The following ALK variants were observed in gnomAD, a reference collection of about 807,000 sequenced individuals.
The protein encoded by ALK is ALK receptor tyrosine kinase, also known as ALK tyrosine kinase receptor.
In ALK, 74 loss-of-function variants were observed where a neutral mutation model predicts 163.1. The observed-to-expected ratio is 0.45, with a 90% CI of 0.38 to 0.55. The LOEUF (loss-of-function observed/expected upper bound fraction) is 0.55. Ranked by LOEUF, ALK falls within the 20% of genes least tolerant of loss-of-function variation. The probability of loss-of-function intolerance (pLI) is 0.00; values close to 1 mark genes in which losing one functional copy is unlikely to be tolerated. For missense variants in ALK, 2,063 were observed against 2,105.3 expected, an observed-to-expected ratio of 0.98 and a Z score of 0.39; for synonymous variants, 960 against 843.2, an observed-to-expected ratio of 1.14 and a Z score of -2.40.
chr2:29,223,693 G>A (rs1663817543), intron 19 of ALK, 165 bp from the exon 20 acceptor site: 4 of 642,884 alleles, frequency 6.2e-6, no homozygotes, highest in South Asian at 3.8e-5. Context: ...AAGAAGGTGT[G>A]TCTTTAATTG....
chr2:29,564,196 G>A (rs1197678057), intron 3 of ALK, among the ~76,000 whole-genome samples: 1 of 151,306 alleles, frequency 6.6e-6, no homozygotes, highest in East Asian at 1.9e-4. Flanking sequence ...TACATGGGAA[G>A]CTACCTTCTC....
intron 1 of ALK, among the ~76,000 whole-genome samples, chr2:29,810,741 C>T (rs1664737612): frequency 6.6e-6 from 1 of 152,128 alleles, no homozygotes; most frequent in Non-Finnish European, 1.5e-5. Flanking sequence ...AGAATATATA[C>T]ATTATGGATT....
At chr2:29,667,548 C>T (rs778326154) in intron 3 of ALK, among the ~76,000 whole-genome samples, 4 of 151,618 alleles carry the variant, frequency 2.6e-5, no homozygotes, top group Non-Finnish European at 4.4e-5. Context: ...TTATCAAATG[C>T]TTTCTTGGTG....
At chr2:29,818,355 G>T (rs188346756) in intron 1 of ALK, among the ~76,000 whole-genome samples, 58 of 152,136 alleles carry the variant, frequency 3.8e-4, no homozygotes, top group African/African-American at 1.3e-3. Flanking sequence ...TTCATTTCCC[G>T]AGCTCTATTA....
chr2:29,201,356 C>T (rs991797489), intron 26 of ALK, among the ~76,000 whole-genome samples: 21 of 152,162 alleles, frequency 1.4e-4, no homozygotes, highest in Non-Finnish European at 2.6e-4. Context: ...TCTCCTCTTT[C>T]ATTCTTTCCC....
At position 29,207,225 on chromosome 2, in the gene ALK, C is replaced by T. The variant is rs1417330585; in HGVS notation, c.3884G>A (p.Trp1295Ter). 1.9e-6 allele frequency: 3 copies of T among 1,614,020 alleles called. No individual in the cohort carries two copies. The African/African-American group carries it at 4.0e-5, about 22-fold the overall frequency. Reference sequence around the variant, plus strand: ...TTCCATGAAGGCCTCTGGGGGCATCCACTTAACTGGCAGCATGGCACAGCC... The same window carrying T: ...TTCCATGAAGGCCTCTGGGGGCATCTACTTAACTGGCAGCATGGCACAGCC... The part of the protein sequence containing the change: ...KGGCAMLPVK[W>*]MPPEAFMEGI... The change falls in exon 26 of 29, where the codon TGG becomes TAG. Residue 1295 changes from tryptophan to a stop codon, truncating the protein, a stop_gained. Coordinates refer to ENST00000389048, the MANE Select transcript of ALK (RefSeq NM_004304.5). LOFTEE classifies it high-confidence loss of function.
rs201796865 is a variant in ALK, at chr2:29,665,585, C to T, written c.952+29265G>A. Among the ~76,000 whole-genome samples, 7 of 152,026 alleles carry T rather than the reference C, an allele frequency of 4.6e-5. No individual in the cohort carries two copies. In the East Asian group the frequency reaches 1.4e-3, roughly 30 times the overall value. On this transcript the variant is annotated intron_variant, in intron 3 of 28. Transcript: ENST00000389048. Reference sequence around the variant, plus strand: ...TACCAGGCTGTGAGTTCTTGGTGGGCTCCCAGGTGTTGAGGTTGAAAGGGG... The same window carrying T: ...TACCAGGCTGTGAGTTCTTGGTGGGTTCCCAGGTGTTGAGGTTGAAAGGGG...
chr2:29,347,309 C>T (rs114786732), intron 5 of ALK, among the ~76,000 whole-genome samples: 288 of 152,304 alleles, frequency 1.9e-3, no homozygotes, highest in African/African-American at 6.5e-3. Flanking sequence ...CTGACACCCT[C>T]TTTCTGCCTA....
chr2:29,382,167 C>T (rs1007423668), intron 5 of ALK, among the ~76,000 whole-genome samples: 1 of 152,176 alleles, frequency 6.6e-6, no homozygotes, highest in African/African-American at 2.4e-5. Flanking sequence ...GAGGAAGACT[C>T]ATCTTCTCCC....
intron 3 of ALK, among the ~76,000 whole-genome samples, chr2:29,667,500 C>T (rs1489263897): frequency 1.3e-5 from 2 of 151,630 alleles, no homozygotes; most frequent in Non-Finnish European, 2.9e-5. Flanking sequence ...TCTATCTCCA[C>T]TTTGATGAGG....
intron 4 of ALK, among the ~76,000 whole-genome samples, chr2:29,505,992 C>T (rs1228621896): frequency 6.6e-6 from 1 of 152,132 alleles, no homozygotes; most frequent in Non-Finnish European, 1.5e-5. Context: ...TACAGATTTG[C>T]GGCTAGCTCT....
intron 3 of ALK, among the ~76,000 whole-genome samples, chr2:29,670,018 T>C (rs1316086063): frequency 6.6e-6 from 1 of 152,136 alleles, no homozygotes; most frequent in Non-Finnish European, 1.5e-5. Context: ...ATTTGTCTTT[T>C]GGGCCTCATA....
chr2:29,590,715 A>G (rs542287211), intron 3 of ALK, among the ~76,000 whole-genome samples: 68 of 152,128 alleles, frequency 4.5e-4, no homozygotes, highest in African/African-American at 1.5e-3. Flanking sequence ...CTTCTTGGCT[A>G]TGTATTCCCA....
At chr2:29,399,881 G>A (rs924126458) in intron 4 of ALK, among the ~76,000 whole-genome samples, 6 of 152,188 alleles carry the variant, frequency 3.9e-5, no homozygotes, top group Non-Finnish European at 8.8e-5. Flanking sequence ...TTTTACAGAT[G>A]AGAAAACAGG....
intron 3 of ALK, among the ~76,000 whole-genome samples, chr2:29,543,599 G>A (rs1673472087): frequency 6.6e-6 from 1 of 152,286 alleles, no homozygotes; most frequent in East Asian, 1.9e-4. Context: ...ATTGAAAAAG[G>A]AATGAAGGCC....
At chr2:29,461,846 C>A (rs1004153818) in intron 4 of ALK, among the ~76,000 whole-genome samples, 4 of 151,868 alleles carry the variant, frequency 2.6e-5, no homozygotes, top group African/African-American at 9.7e-5. Flanking sequence ...GATAGTGATT[C>A]CTCTGATGGA....
intron 3 of ALK, among the ~76,000 whole-genome samples, chr2:29,628,577 C>A (rs1411270179): frequency 6.6e-6 from 1 of 152,200 alleles, no homozygotes; most frequent in Non-Finnish European, 1.5e-5. Flanking sequence ...GCATAGCAAA[C>A]ACTCTGTTGT....
chr2:29,380,792 G>C (rs1212690365), intron 5 of ALK, among the ~76,000 whole-genome samples: 3 of 152,162 alleles, frequency 2.0e-5, no homozygotes, highest in Non-Finnish European at 2.9e-5. Context: ...CACGAGAATA[G>C]CAAGAGGGAG....
chr2:29,218,026 T>C (rs993393334), intron 23 of ALK, among the ~76,000 whole-genome samples: 9 of 152,330 alleles, frequency 5.9e-5, no homozygotes, highest in African/African-American at 1.9e-4. Context: ...AAGTTGGATT[T>C]TGTGGCCCCG....
Sources: gnomAD v4.1 joint callset for allele counts (sites outside exome capture counted in the v4.1 genomes callset) on GRCh38, gnomAD v4.1.1 for gene constraint, MANE v1.5 for transcripts, NCBI Gene and HGNC (gene_info 2026-07-23, HGNC 2026-07-21) for gene names.